Variants in MTAP observed in about 807,000 individuals in gnomAD.
The protein encoded by MTAP is methylthioadenosine phosphorylase.
In MTAP, 33 loss-of-function variants were observed where a neutral mutation model predicts 33.6. That is an observed-to-expected ratio of 0.98 (90% CI 0.74 to 1.31). The LOEUF is 1.31. Among genes scored for constraint, MTAP ranks in the 40% most tolerant of loss-of-function variants. The pLI is 0.00. For missense variants in MTAP, 367 were observed against 360.0 expected (o/e 1.02, Z -0.16); for synonymous variants, 148 against 125.7 (o/e 1.18, Z -1.19).
intron 1 of MTAP, among the ~76,000 whole-genome samples, chr9:21,885,875 T>A (rs144626650): frequency 6.6e-6 from 1 of 151,828 alleles, no homozygotes; most frequent in African/African-American, 2.4e-5. Context: ...TTTGAGCTGG[T>A]TCCATATTTT....
At chr9:21,921,912 C>G (rs922060893) in intron 1 of MTAP, among the ~76,000 whole-genome samples, 1 of 152,178 alleles carries the variant, frequency 6.6e-6, no homozygotes, top group South Asian at 2.1e-4. Context: ...GGTAGTTAGG[C>G]AGACATGAAC....
At chr9:21,869,040 G>T (rs1825896637), downstream of MTAP, among the ~76,000 whole-genome samples, 1 of 152,084 alleles carries the variant, frequency 6.6e-6, no homozygotes, top group Non-Finnish European at 1.5e-5. Context: ...AAGGACATCA[G>T]TCTAGTAACT....
chr9:21,802,924 G>A (rs1824091968), intron 1 of MTAP, 143 bp downstream of exon 1: 6 of 1,437,086 alleles, frequency 4.2e-6, no homozygotes, highest in African/African-American at 1.5e-5. Flanking sequence ...CGCGGCACTC[G>A]GGACTCACTT....
rs375645499 is a variant in MTAP at position 21,917,540 on chromosome 9, G to T, written c.148-13468G>T. ...GGAAATGCAAATTAAACCACAAAGA[G>T]TTACCAGCTTACTCCTGCAGGAATG... is the stretch of plus-strand genomic sequence containing the variant. On this transcript the variant is annotated intron_variant, in intron 1 of 1. Coordinates refer to the MTAP transcript ENST00000577563. Among the ~76,000 whole-genome samples, 53 of 152,286 alleles carry T rather than the reference G, an allele frequency of 3.5e-4. No homozygotes were observed. In the South Asian group the frequency reaches 3.9e-3, roughly 11 times the overall value.
Position 21,854,746 on chromosome 9 carries a change from G to A in MTAP, c.566G>A (p.Trp189Ter). ...SRAESFMFRT[W>*]GADVINMTTV... Reference sequence around the variant, plus strand: ...GCAGAAAGCTTCATGTTCCGCACCTGGGGGGCGGATGTTATCAACATGACC... The same window carrying A: ...GCAGAAAGCTTCATGTTCCGCACCTAGGGGGCGGATGTTATCAACATGACC... The change falls in exon 6 of 8, where the codon TGG becomes TAG. Residue 189 changes from tryptophan (W) to a stop codon, truncating the protein, a stop_gained. Transcript: ENST00000644715. LOFTEE classifies it high-confidence loss of function. The A allele has an allele frequency of 6.2e-7, 1 of 1,614,014 alleles. No homozygotes were observed. The highest frequency in any genetic ancestry group is 8.5e-7 in the Non-Finnish European group (1 of 1,179,896).
At chr9:21,932,898 A>C (rs149136458), downstream of MTAP, 155 of 152,288 alleles carry the variant, frequency 1.0e-3, no homozygotes, top group African/African-American at 3.6e-3. Flanking sequence ...TCCTCTGCCT[A>C]ATTACTCTGA....
chr9:21,869,390 G>T (rs1825902162), downstream of MTAP, among the ~76,000 whole-genome samples: 2 of 152,092 alleles, frequency 1.3e-5, no homozygotes. Flanking sequence ...CCTCCTCTTT[G>T]ATAAGTTTTC....
chr9:21,864,119 A>G lies in MTAP; in HGVS notation c.*2105A>G, dbSNP rs978627850. The stretch of plus-strand genomic sequence containing the variant: ...CAAAAGTATGGGCATTTTTCTTGCT[A>G]TGTTCAGAAAGTACAGTTCTCTCCA... On this transcript the variant is annotated 3_prime_UTR_variant, in exon 8 of 8. Coordinates refer to ENST00000644715, the MANE Select transcript of MTAP (RefSeq NM_002451.4). 4 of 985,280 alleles carry G rather than the reference A, an allele frequency of 4.1e-6. No individual in the cohort carries two copies. In the Admixed American group the frequency reaches 1.8e-4, roughly 45 times the overall value. The allele number at this position is 985,280 out of a possible 1,614,324, so 61.0% of individuals were successfully genotyped here. A position where few individuals can be genotyped will look rare whatever the true frequency, so the allele number is the denominator to read the frequency against.
chr9:21,904,503 C>T (rs1425018622), intron 1 of MTAP, among the ~76,000 whole-genome samples: 1 of 152,138 alleles, frequency 6.6e-6, no homozygotes, highest in East Asian at 1.9e-4. Context: ...AAAACCACTT[C>T]TCTGCTGGTC....
downstream of MTAP, among the ~76,000 whole-genome samples, chr9:21,871,435 T>C (rs561139329): frequency 5.9e-5 from 9 of 152,300 alleles, no homozygotes; most frequent in South Asian, 8.3e-4. Context: ...AATTAGCCCT[T>C]TCTCTGCACT....
intron 6 of MTAP, chr9:21,856,028 G>A (rs1031265402): frequency 3.3e-6 from 1 of 300,278 alleles, no homozygotes. Flanking sequence ...CAATCCATAT[G>A]TTGTATTTTA....
chr9:21,903,139 T>A (rs940657782), intron 1 of MTAP, among the ~76,000 whole-genome samples: 1 of 152,158 alleles, frequency 6.6e-6, no homozygotes, highest in Non-Finnish European at 1.5e-5. Context: ...TAGCATTGAA[T>A]GGGGCCTGCT....
At chr9:21,904,280 G>T (rs1818439550) in intron 1 of MTAP, among the ~76,000 whole-genome samples, 1 of 152,212 alleles carries the variant, frequency 6.6e-6, no homozygotes, top group African/African-American at 2.4e-5. Flanking sequence ...TCAGGCACAG[G>T]ATTAGAGGTA....
Position 21,844,956 on chromosome 9 carries a change from G to A in MTAP, c.450+6946G>A, listed in dbSNP as rs370032958. On this transcript the variant is annotated intron_variant, in intron 5 of 7. Coordinates refer to ENST00000644715, the MANE Select transcript of MTAP (RefSeq NM_002451.4). ...CCGAGGCAGTGAATGGCGTGAACCCGGGAGGTGGAGCTTGCAGTGAGCTGA... is the reference window on the plus strand; with the variant it reads ...CCGAGGCAGTGAATGGCGTGAACCCAGGAGGTGGAGCTTGCAGTGAGCTGA... Among the ~76,000 whole-genome samples, 16 of 152,138 alleles carry A rather than the reference G, an allele frequency of 1.1e-4. No homozygotes were observed. In the East Asian group the frequency reaches 1.5e-3, roughly 15 times the overall value.
rs150518433 is a variant in MTAP at position 21,898,084 on chromosome 9, T to C, written c.148-32924T>C. ...GCCCGTGGAAATAATACCACACATCTACAACCATCTGATCTTTGACAAACC... is the reference window on the plus strand; with the variant it reads ...GCCCGTGGAAATAATACCACACATCCACAACCATCTGATCTTTGACAAACC... On this transcript the variant is annotated intron_variant, in intron 1 of 1. Transcript: ENST00000577563. 5.6e-3 allele frequency among the ~76,000 whole-genome samples: 845 copies of C among 152,252 alleles called. 15 individuals carry two copies. The highest frequency in any genetic ancestry group is 0.049 in the East Asian group (253 of 5,180).
chr9:21,940,633 G>A (rs75502283), downstream of MTAP, among the ~76,000 whole-genome samples: 384 of 152,148 alleles, frequency 2.5e-3, 3 homozygotes, highest in African/African-American at 8.9e-3. Flanking sequence ...GACAATTAAC[G>A]GGAACTCAGG....
At chr9:21,843,893 G>T (rs2118391986) in intron 5 of MTAP, among the ~76,000 whole-genome samples, 2 of 152,052 alleles carry the variant, frequency 1.3e-5, no homozygotes, top group Middle Eastern at 6.8e-3. Context: ...AGAAACAGCA[G>T]AGATCAGAGC....
At chr9:21,903,401 C>T (rs572045351) in intron 1 of MTAP, among the ~76,000 whole-genome samples, 2 of 152,246 alleles carry the variant, frequency 1.3e-5, no homozygotes, top group East Asian at 1.9e-4. Flanking sequence ...GAAAATGCTT[C>T]TGGATAGAGG....
At chr9:21,872,103 A>G (rs984730871) in intron 1 of MTAP, among the ~76,000 whole-genome samples, 16 of 152,168 alleles carry the variant, frequency 1.1e-4, no homozygotes, top group Non-Finnish European at 2.2e-4. Flanking sequence ...ACTTGAGGTC[A>G]GGAGTTGAAC....
Sources: gnomAD v4.1 joint callset for allele counts (sites outside exome capture counted in the v4.1 genomes callset) on GRCh38, gnomAD v4.1.1 for gene constraint, MANE v1.5 for transcripts, NCBI Gene and HGNC (gene_info 2026-07-23, HGNC 2026-07-21) for gene names.